Variants in ZNF607 observed in about 807,000 individuals in gnomAD.
ZNF607 encodes zinc finger protein 607.
In ZNF607, 5 loss-of-function variants were observed where a neutral mutation model predicts 12.8. The observed-to-expected ratio is 0.39, with a 90% CI of 0.20 to 0.82. The LOEUF (loss-of-function observed/expected upper bound fraction) is 0.82. Among genes scored for constraint, ZNF607 ranks in the 40% least tolerant of loss-of-function variants. The pLI is 0.39. For synonymous variants in ZNF607, 287 were observed against 276.2 expected (o/e 1.04, Z -0.39); for missense variants, 851 against 859.2 (o/e 0.99, Z 0.12).
intron 3 of ZNF607, among the ~76,000 whole-genome samples, chr19:37,708,444 T>C (rs1435040759): frequency 1.3e-5 from 2 of 151,862 alleles, no homozygotes; most frequent in Non-Finnish European, 2.9e-5. Flanking sequence ...TCCGCTCATC[T>C]GGGCCTCCCA....
rs2045006149 is a variant in ZNF607 at position 37,698,775 on chromosome 19, T to C, written c.1356A>G (p.Lys452=). The change falls in exon 5 of 5, where the codon AAA becomes AAG. Residue 452 remains lysine, a synonymous_variant. Transcript: ENST00000355202. ...IHTGYKPFEC[K]ECGKSFRCAS... is the part of the protein sequence containing the mutation. ...CACAACGAAAGGACTTCCCACATTC[T>C]TTACATTCAAAGGGTTTGTAACCAG... 6.2e-7 allele frequency: 1 copy of C among 1,613,210 alleles called. No homozygotes were observed. Among genetic ancestry groups the C allele is most frequent in the East Asian group, 2.2e-5 (1 of 44,844 alleles).
intron 4 of ZNF607, among the ~76,000 whole-genome samples, chr19:37,703,619 A>G (rs73621580): frequency 1.3e-5 from 2 of 152,222 alleles, no homozygotes; most frequent in Non-Finnish European, 2.9e-5. Context: ...TGGAATCAAT[A>G]TAACAAACCA....
Position 37,699,212 on chromosome 19 carries a change from T to C in ZNF607, c.919A>G (p.Lys307Glu). The C allele has an allele frequency of 6.2e-7, 1 of 1,614,158 alleles. No individual in the cohort carries two copies. Among genetic ancestry groups the C allele is most frequent in the Non-Finnish European group, 8.5e-7 (1 of 1,180,022 alleles). ...CCGCATTCCTTGCATTCATAGGGTT[T>C]TTCTCCAGTATGAATTCTTTTATGA... ...VGHKRIHTGE[K>E]PYECKECGKG... The change falls in exon 5 of 5, where the codon AAA (lysine) becomes GAA (glutamate). Residue 307 changes from lysine to glutamate, a missense_variant. Transcript: ENST00000355202.
At chr19:37,711,933 G>A (rs1040783078) in intron 1 of ZNF607, among the ~76,000 whole-genome samples, 40 of 152,172 alleles carry the variant, frequency 2.6e-4, no homozygotes, top group African/African-American at 8.2e-4. Context: ...AATTCAGTAG[G>A]AAATTTTCTG....
In ZNF607 at chr19:37,699,367, C is replaced by T. The variant is rs991923165; in HGVS notation, c.764G>A (p.Cys255Tyr). The T allele has an allele frequency of 1.2e-6, 2 of 1,614,042 alleles. No individual in the cohort carries two copies. The highest frequency in any genetic ancestry group is 1.3e-5 in the African/African-American group (1 of 74,914). The change falls in exon 5 of 5, where the codon TGT becomes TAT. Residue 255 changes from cysteine (C) to tyrosine (Y), a missense_variant. Cys to Tyr is a radical substitution (Grantham distance 194). Coordinates refer to ENST00000355202, the MANE Select transcript of ZNF607 (RefSeq NM_032689.5). The stretch of plus-strand genomic sequence containing the variant: ...CCTAAAGGACTTCCCACATTTGTTA[C>T]ATTCAAAGGGCTTCTCACCAGTGTG... ...SIHTGEKPFE[C>Y]NKCGKSFRLK...
rs2044997276 is a variant in ZNF607 at position 37,698,337 on chromosome 19, A to G, written c.1794T>C (p.Phe598=). The change falls in exon 5 of 5, where the codon TTT becomes TTC. Residue 598 remains phenylalanine, a synonymous_variant. Coordinates refer to ENST00000355202, the MANE Select transcript of ZNF607 (RefSeq NM_032689.5). ...GAATAATAAGATGTGAAGCATGACTAAAAGTTTCCCCACATTCTTTACATT... is the reference window on the plus strand; with the variant it reads ...GAATAATAAGATGTGAAGCATGACTGAAAGTTTCCCCACATTCTTTACATT... The part of the protein sequence containing the change: ...SYECKECGET[F]SHASHLIIHE... 2 of 1,614,046 alleles carry G rather than the reference A, an allele frequency of 1.2e-6. No individual in the cohort carries two copies. The highest frequency in any genetic ancestry group is 8.5e-7 in the Non-Finnish European group (1 of 1,180,022).
chr19:37,714,311 A>AAACAACAACAACAACAACAAC (rs376072397), intron 1 of ZNF607, among the ~76,000 whole-genome samples: 35 of 139,634 alleles, frequency 2.5e-4, no homozygotes, highest in African/African-American at 8.5e-4. Flanking sequence ...CTCCGTCTCA[A>AAACAACAACAACAACAACAAC]AACAACAACA....
intron 4 of ZNF607, among the ~76,000 whole-genome samples, chr19:37,701,801 T>A (rs2145228420): frequency 6.6e-6 from 1 of 152,184 alleles, no homozygotes; most frequent in East Asian, 1.9e-4. Context: ...GATTGCAACA[T>A]CAGAACATTA....
chr19:37,699,710 G>C lies in ZNF607; in HGVS notation c.421C>G (p.Pro141Ala). ...VHQTIHTSEE[P>A]DQCEKFRKAF... ...TTCCTAAACTTTTCACATTGATCAG[G>C]TTCCTCACTAGTATGAATTGTTTGA... The change falls in exon 5 of 5, where the codon CCT (proline) becomes GCT (alanine). Residue 141 changes from proline to alanine, a missense_variant. Coordinates refer to ENST00000355202, the MANE Select transcript of ZNF607 (RefSeq NM_032689.5). 6.2e-7 allele frequency: 1 copy of C among 1,614,012 alleles called. No individual in the cohort carries two copies. The highest frequency in any genetic ancestry group is 8.5e-7 in the Non-Finnish European group (1 of 1,179,992).
intron 4 of ZNF607, among the ~76,000 whole-genome samples, chr19:37,700,155 C>A (rs1417212488): frequency 6.6e-6 from 1 of 152,066 alleles, no homozygotes; most frequent in African/African-American, 2.4e-5. Context: ...GTAAATACTC[C>A]CACTGAGGGC....
At position 37,698,903 on chromosome 19, in the gene ZNF607, T is replaced by C; in HGVS notation, c.1228A>G (p.Ile410Val). The C allele has an allele frequency of 6.2e-7, 1 of 1,614,004 alleles. No individual in the cohort carries two copies. The highest frequency in any genetic ancestry group is 8.5e-7 in the Non-Finnish European group (1 of 1,179,978). ...TCACCGGTATGAATATTTTGATGTATTTTAAGGGATGAATTGAGCCTAAAG... is the reference window on the plus strand; with the variant it reads ...TCACCGGTATGAATATTTTGATGTACTTTAAGGGATGAATTGAGCCTAAAG... ...KSFRLNSSLK[I>V]HQNIHTGEKP... Residue 410 changes from isoleucine (I) to valine (V), a missense_variant, in exon 5 of 5, where the codon ATA becomes GTA. Physicochemically the swap from Ile to Val is conservative, Grantham distance 29. Coordinates refer to ENST00000355202, the MANE Select transcript of ZNF607 (RefSeq NM_032689.5).
At chr19:37,709,267 CAAT>C (rs1323367270) in intron 3 of ZNF607, among the ~76,000 whole-genome samples, 1 of 152,164 alleles carries the variant, frequency 6.6e-6, no homozygotes, top group African/African-American at 2.4e-5. Flanking sequence ...CAGTCTCTTT[CAAT>C]AATAACGGCA....
intron 2 of ZNF607, among the ~76,000 whole-genome samples, chr19:37,711,178 C>T (rs2045129671): frequency 6.6e-6 from 1 of 152,198 alleles, no homozygotes; most frequent in African/African-American, 2.4e-5. Flanking sequence ...AGATTTAGAT[C>T]CTTCAATGCC....
Position 37,698,095 on chromosome 19 carries a change from C to A in ZNF607, c.2036G>T (p.Arg679Ile). ...GEKPFKCNKCRRSFRLRSILE... is the reference protein window; with the variant it reads ...GEKPFKCNKCIRSFRLRSILE... Reference sequence around the variant, plus strand: ...GATGGATCTAAGCCTAAAGGACCTTCTGCATTTGTTACATTTAAAGGGTTT... The same window carrying A: ...GATGGATCTAAGCCTAAAGGACCTTATGCATTTGTTACATTTAAAGGGTTT... The change falls in exon 5 of 5, where the codon AGA becomes ATA. Residue 679 changes from arginine to isoleucine, a missense_variant. By Grantham distance (97) the Arg-to-Ile change is moderately conservative. Transcript: ENST00000355202. 1 of 1,613,206 alleles carries A rather than the reference C, an allele frequency of 6.2e-7. No individual in the cohort carries two copies. The highest frequency in any genetic ancestry group is 8.5e-7 in the Non-Finnish European group (1 of 1,179,838).
chr19:37,704,144 C>A (rs1378215085), intron 4 of ZNF607, among the ~76,000 whole-genome samples: 2 of 149,812 alleles, frequency 1.3e-5, no homozygotes, highest in Non-Finnish European at 3.0e-5. Flanking sequence ...AAAAAAAAAA[C>A]AAAAATAAAG....
intron 1 of ZNF607, 28 bp from the exon 2 acceptor site, chr19:37,711,720 G>A: frequency 8.1e-7 from 1 of 1,239,540 alleles, no homozygotes; most frequent in Non-Finnish European, 1.2e-6. Flanking sequence ...CTTGAGACCA[G>A]CTGTGCTTTA....
intron 3 of ZNF607, 70 bp downstream of exon 3, chr19:37,709,626 G>C: frequency 6.6e-7 from 1 of 1,525,682 alleles, no homozygotes; most frequent in South Asian, 1.2e-5. Flanking sequence ...AACCACAACA[G>C]AAAAAGAATG....
intron 2 of ZNF607, among the ~76,000 whole-genome samples, chr19:37,711,309 G>A (rs147475517): frequency 1.3e-5 from 2 of 152,308 alleles, no homozygotes; most frequent in African/African-American, 2.4e-5. Context: ...CCTGAAATGC[G>A]TATTATCTGT....
In ZNF607 at chr19:37,697,478, C is replaced by T; in HGVS notation, c.*562G>A. The T allele has an allele frequency of 1.5e-6, 1 of 669,866 alleles. No individual in the cohort carries two copies. The highest frequency in any genetic ancestry group is 2.7e-6 in the Non-Finnish European group (1 of 368,918). The allele number at this position is 669,866 out of a possible 1,614,324, so 41.5% of individuals were successfully genotyped here. Reference sequence around the variant, plus strand: ...TCTAACTCATGTAATTCTAACAGCACTATACTGTAGGTACTACTATCATCA... The same window carrying T: ...TCTAACTCATGTAATTCTAACAGCATTATACTGTAGGTACTACTATCATCA... On this transcript the variant is annotated 3_prime_UTR_variant, in exon 5 of 5. Coordinates refer to ENST00000355202, the MANE Select transcript of ZNF607 (RefSeq NM_032689.5).
Sources: gnomAD v4.1 joint callset for allele counts (sites outside exome capture counted in the v4.1 genomes callset) on GRCh38, gnomAD v4.1.1 for gene constraint, MANE v1.5 for transcripts, NCBI Gene and HGNC (gene_info 2026-07-23, HGNC 2026-07-21) for gene names.